Variants in DDX23 observed in about 807,000 individuals in gnomAD.
The protein encoded by DDX23 is DEAD-box helicase 23.
Under a neutral mutation model 102.7 loss-of-function variants are expected in DDX23, and 33 were observed. The ratio of observed to expected loss-of-function variants is 0.32; its 90% CI spans 0.24 to 0.43. DDX23 has a LOEUF of 0.43. Ranked by LOEUF, DDX23 falls within the 20% of genes least tolerant of loss-of-function variation. The pLI is 1.00. For synonymous variants in DDX23, 352 were observed against 376.0 expected, an observed-to-expected ratio of 0.94 and a Z score of 0.74; for missense variants, 549 against 1,086.6, an observed-to-expected ratio of 0.51 and a Z score of 6.96.
At chr12:48,844,673 G>A (rs916345109) in intron 2 of DDX23, among the ~76,000 whole-genome samples, 1 of 147,022 alleles carries the variant, frequency 6.8e-6, no homozygotes. Context: ...AGGTATCACT[G>A]TGTTAGCCAG....
chr12:48,832,386 T>C lies in DDX23; in HGVS notation c.1955+36A>G. 1 of 1,603,942 alleles carries C rather than the reference T, an allele frequency of 6.2e-7. No homozygotes were observed. The highest frequency in any genetic ancestry group is 2.2e-5 in the East Asian group (1 of 44,576). ...AAAAGTTCTCAGAGCCATTTTATTC[T>C]CCACCCTGTTTCCCCTGGCTCAGCT... On this transcript the variant is annotated intron_variant, in intron 14 of 16. Coordinates refer to ENST00000308025, the MANE Select transcript of DDX23 (RefSeq NM_004818.3). This position sits in a 1 kb window ranked among gnomAD's most constrained non-coding sequence, Gnocchi z 4.4.
intron 5 of DDX23, among the ~76,000 whole-genome samples, chr12:48,839,323 C>A (rs1385342788): frequency 6.6e-6 from 1 of 151,970 alleles, no homozygotes; most frequent in African/African-American, 2.4e-5. Context: ...CTTTGTGAGG[C>A]CAAGGAGGGC....
At position 48,837,641 on chromosome 12, in the gene DDX23, C is replaced by G; in HGVS notation, c.636G>C (p.Arg212=). 6.2e-7 allele frequency: 1 copy of G among 1,614,128 alleles called. No homozygotes were observed. The highest frequency in any genetic ancestry group is 8.5e-7 in the Non-Finnish European group (1 of 1,180,032). Residue 212 remains arginine, a synonymous_variant, in exon 7 of 17, where the codon CGG becomes CGC. Coordinates refer to ENST00000308025, the MANE Select transcript of DDX23 (RefSeq NM_004818.3). ...GRKMLEDPQE[R]ERRERRERME... is the part of the protein sequence containing the mutation. ...TCCTCTCCCTGCGTTCCCGACGTTCCCGTTCCTGAGGATCTTCTGCAGACC... is the reference window on the plus strand; with the variant it reads ...TCCTCTCCCTGCGTTCCCGACGTTCGCGTTCCTGAGGATCTTCTGCAGACC...
rs1938372540 is a variant in DDX23 at position 48,830,697 on chromosome 12, G to A, written c.2240-5C>T. On this transcript the variant is annotated splice_region_variant and splice_polypyrimidine_tract_variant and intron_variant, in intron 16 of 16. Coordinates refer to ENST00000308025, the MANE Select transcript of DDX23 (RefSeq NM_004818.3). This position sits in a 1 kb window ranked among gnomAD's most constrained non-coding sequence, Gnocchi z 4.9. ...GGCCAATGCGGTGGATGTAATCTGG[G>A]GAATGGGAAGAACGTCACTCAGCAT... The A allele has an allele frequency of 1.3e-6, 2 of 1,599,372 alleles. No homozygotes were observed. Among genetic ancestry groups the A allele is most frequent in the South Asian group, 2.3e-5 (2 of 88,054 alleles).
chr12:48,836,675 T>C lies in DDX23; in HGVS notation c.1130A>G (p.Tyr377Cys). The change falls in exon 10 of 17, where the codon TAC (tyrosine) becomes TGC (cysteine). Residue 377 changes from tyrosine (Y) to cysteine (C), a missense_variant. Around this residue, in one of 4 missense-constraint regions of DDX23, gnomAD observed 270 missense variants for 707.0 expected, o/e 0.38. Transcript: ENST00000308025. The surrounding 1 kb of genome is among the most constrained non-coding windows in gnomAD (Gnocchi z 6.1). ...CTTGCCACCTTTGGTGGTGATGCTG[T>C]AGTCCTCACGGAAGATCCGCCAGTC... ...DRDWRIFRED[Y>C]SITTKGGKIP... The C allele has an allele frequency of 2.5e-6, 4 of 1,614,242 alleles. No homozygotes were observed. The highest frequency in any genetic ancestry group is 3.4e-6 in the Non-Finnish European group (4 of 1,180,040).
At chr12:48,846,536 G>A (rs115713921) in intron 1 of DDX23, among the ~76,000 whole-genome samples, 2,099 of 152,212 alleles carry the variant, frequency 0.014, 47 homozygotes, top group African/African-American at 0.047. Context: ...TCTGGATTAC[G>A]TTATAATTAG....
At position 48,851,385 on chromosome 12, in the gene DDX23, A is replaced by G. The variant is rs531773410; in HGVS notation, c.-1+699T>C. On this transcript the variant is annotated intron_variant, in intron 1 of 16. Transcript: ENST00000308025. ...CTACTCGGGAGGCTGAGACAGGAGAATCGCTTGAACCCGGGAGGCGGAGGT... is the reference window on the plus strand; with the variant it reads ...CTACTCGGGAGGCTGAGACAGGAGAGTCGCTTGAACCCGGGAGGCGGAGGT... Among the ~76,000 whole-genome samples the G allele has an allele frequency of 2.0e-5, 3 of 152,252 alleles. No individual in the cohort carries two copies. The East Asian group carries it at 5.8e-4, about 29-fold the overall frequency.
At position 48,846,463 on chromosome 12, in the gene DDX23, G is replaced by A. The variant is rs145880488; in HGVS notation, c.1-681C>T. Among the ~76,000 whole-genome samples, 512 of 152,308 alleles carry A rather than the reference G, an allele frequency of 3.4e-3. 3 individuals carry two copies. Among genetic ancestry groups the A allele is most frequent in the Non-Finnish European group, 5.5e-3 (374 of 68,032 alleles). On this transcript the variant is annotated intron_variant, in intron 1 of 16. Coordinates refer to ENST00000308025, the MANE Select transcript of DDX23 (RefSeq NM_004818.3). ...GATCAGTTAGCACTCATACGTCTGA[G>A]AGAGATAAATTTTCTTGAGCTCATA...
intron 1 of DDX23, chr12:48,847,144 G>A (rs1399643545): frequency 2.0e-5 from 3 of 152,182 alleles, no homozygotes; most frequent in Non-Finnish European, 4.4e-5. Context: ...AAAAGGTGAG[G>A]ACAACCCATT....
chr12:48,844,633 C>CTT (rs1175228707), intron 2 of DDX23, among the ~76,000 whole-genome samples: 2 of 141,420 alleles, frequency 1.4e-5, no homozygotes, highest in Non-Finnish European at 3.1e-5. Flanking sequence ...TCCCTCTCAA[C>CTT]TTTTTTTTTT....
At chr12:48,845,431 G>A in intron 2 of DDX23, 143 bp downstream of exon 2, 2 of 937,486 alleles carry the variant, frequency 2.1e-6, no homozygotes. Flanking sequence ...CTCCAGTCTG[G>A]GTAACAAACA....
chr12:48,841,598 T>C (rs925996089), intron 3 of DDX23, among the ~76,000 whole-genome samples: 3 of 152,234 alleles, frequency 2.0e-5, no homozygotes, highest in Admixed American at 6.5e-5. Flanking sequence ...GTGCCTGCGA[T>C]TGCAGGCGTG....
intron 1 of DDX23, among the ~76,000 whole-genome samples, chr12:48,851,059 C>G (rs1938749108): frequency 6.6e-6 from 1 of 152,214 alleles, no homozygotes; most frequent in Non-Finnish European, 1.5e-5. Context: ...AGGGCAGGGG[C>G]ACATTCTTTT....
chr12:48,839,943 C>T (rs2137487664), intron 4 of DDX23, 34 bp from the exon 5 acceptor site: 1 of 1,612,564 alleles, frequency 6.2e-7, no homozygotes, highest in Non-Finnish European at 8.5e-7. Context: ...TCTATAAAGG[C>T]TCTCTCCCTT....
chr12:48,843,917 C>G, intron 3 of DDX23, 23 bp downstream of exon 3: 3 of 1,607,180 alleles, frequency 1.9e-6, no homozygotes, highest in East Asian at 2.2e-5. Context: ...TCCCCTAAAG[C>G]CCCCTCTCAT....
intron 16 of DDX23, 47 bp downstream of exon 16, chr12:48,831,095 G>A (rs763757246): frequency 4.4e-6 from 7 of 1,606,410 alleles, no homozygotes; most frequent in Non-Finnish European, 6.0e-6. Context: ...GACACCATAA[G>A]GAATCTGACT....
In DDX23 at chr12:48,836,633, C is replaced by T. The variant is rs760092244; in HGVS notation, c.1172G>A (p.Arg391Gln). The stretch of plus-strand genomic sequence containing the variant: ...GGGCAGAGAAGAGTCTTTCCAGGAT[C>T]GGATGGGATTGGGGATCTTGCCACC... Reference protein sequence around the residue: ...TKGGKIPNPIRSWKDSSLPPH... With the variant: ...TKGGKIPNPIQSWKDSSLPPH... The change falls in exon 10 of 17, where the codon CGA becomes CAA. Residue 391 changes from arginine to glutamine, a missense_variant. Arg to Gln is a conservative substitution (Grantham distance 43). Coordinates refer to ENST00000308025, the MANE Select transcript of DDX23 (RefSeq NM_004818.3). This position sits in a 1 kb window ranked among gnomAD's most constrained non-coding sequence, Gnocchi z 6.1. 1.2e-6 allele frequency: 2 copies of T among 1,614,162 alleles called. No homozygotes were observed. The highest frequency in any genetic ancestry group is 1.7e-6 in the Non-Finnish European group (2 of 1,180,032).
intron 16 of DDX23, 113 bp downstream of exon 16, chr12:48,831,029 T>C: frequency 8.0e-7 from 1 of 1,250,048 alleles, no homozygotes; most frequent in Non-Finnish European, 1.1e-6. Context: ...ATCCCAGACT[T>C]GGAACTGAGG....
chr12:48,845,918 G>C lies in DDX23; in HGVS notation c.1-136C>G. 9 of 970,488 alleles carry C rather than the reference G, an allele frequency of 9.3e-6. No individual in the cohort carries two copies. The South Asian group carries it at 1.5e-4, about 16-fold the overall frequency. The allele number at this position is 970,488 out of a possible 1,614,324, so 60.1% of individuals were successfully genotyped here. A position where few individuals can be genotyped will look rare whatever the true frequency, so the allele number is the denominator to read the frequency against. ...CTACCGTACAGATGAGAACGGTGGA[G>C]CTCAGGTATATAAAGGAACTTGTCT... On this transcript the variant is annotated intron_variant, in intron 1 of 16. Coordinates refer to ENST00000308025, the MANE Select transcript of DDX23 (RefSeq NM_004818.3).
Sources: allele counts gnomAD v4.1 joint callset (sites outside exome capture counted in the v4.1 genomes callset), GRCh38; gene constraint gnomAD v4.1.1; regional missense constraint gnomAD v4.1.1; non-coding constraint Gnocchi (gnomAD v3.1); transcripts MANE v1.5; gene names NCBI Gene and HGNC (gene_info 2026-07-23, HGNC 2026-07-21).